The following GRID1 variants were observed in gnomAD, a reference collection of about 807,000 sequenced individuals.
The protein encoded by GRID1 is glutamate ionotropic receptor delta type subunit 1.
GRID1 carries 28 observed loss-of-function variants against 98.0 expected under a neutral mutation model. The observed-to-expected ratio is 0.29, with a 90% CI of 0.21 to 0.39. GRID1 has a LOEUF of 0.39. GRID1 is among the 10% of genes least tolerant of loss of function. The probability of loss-of-function intolerance (pLI) is 1.00; values close to 1 mark genes in which losing one functional copy is unlikely to be tolerated. For missense variants in GRID1, 1,111 were observed against 1,340.5 expected (o/e 0.83, Z 2.67); for synonymous variants, 553 against 538.5 (o/e 1.03, Z -0.37).
intron 4 of GRID1, among the ~76,000 whole-genome samples, chr10:85,950,690 T>C (rs1842108812): frequency 6.6e-6 from 1 of 152,162 alleles, no homozygotes; most frequent in Admixed American, 6.5e-5. Flanking sequence ...GCAAACATTA[T>C]GCCCCGTACA....
chr10:86,092,497 C>T (rs1242762420), intron 4 of GRID1, among the ~76,000 whole-genome samples: 5 of 152,034 alleles, frequency 3.3e-5, no homozygotes, highest in Admixed American at 3.3e-4. Flanking sequence ...ATGACCAAAC[C>T]TTTATGTGCA....
At chr10:86,042,079 C>T (rs1564657541) in intron 4 of GRID1, among the ~76,000 whole-genome samples, 1 of 152,212 alleles carries the variant, frequency 6.6e-6, no homozygotes, top group South Asian at 2.1e-4. Flanking sequence ...CCACCAGCTC[C>T]TCAGACAGCC....
At chr10:86,290,577 C>T (rs1847497752) in intron 2 of GRID1, among the ~76,000 whole-genome samples, 1 of 152,066 alleles carries the variant, frequency 6.6e-6, no homozygotes, top group Admixed American at 6.6e-5. Context: ...TGCTTAAACC[C>T]AGGAGGCAGA....
At chr10:86,262,603 G>A (rs1847033116) in intron 2 of GRID1, among the ~76,000 whole-genome samples, 2 of 152,156 alleles carry the variant, frequency 1.3e-5, no homozygotes, top group African/African-American at 4.8e-5. Context: ...TACGTGCTCT[G>A]GACCACAGCC....
intron 8 of GRID1, among the ~76,000 whole-genome samples, chr10:85,806,475 G>C (rs924725078): frequency 3.9e-5 from 6 of 152,016 alleles, no homozygotes; most frequent in African/African-American, 1.4e-4. Context: ...ACAAATTAAA[G>C]CATACGTCCC....
At chr10:85,618,505 C>G (rs1216049791) in intron 14 of GRID1, among the ~76,000 whole-genome samples, 2 of 152,178 alleles carry the variant, frequency 1.3e-5, no homozygotes, top group Non-Finnish European at 2.9e-5. Context: ...TCCTCCTTCC[C>G]TCTTGTCATC....
chr10:85,987,062 G>A (rs962484761), intron 4 of GRID1, among the ~76,000 whole-genome samples: 13 of 152,064 alleles, frequency 8.5e-5, no homozygotes, highest in Non-Finnish European at 1.9e-4. Context: ...GGACCAGACT[G>A]AAGGCTGAAG....
intron 8 of GRID1, among the ~76,000 whole-genome samples, chr10:85,754,870 A>T (rs2132690694): frequency 6.6e-6 from 1 of 152,314 alleles, no homozygotes. Flanking sequence ...ACCTACCTTA[A>T]AAAGTTATTT....
At chr10:86,181,945 C>T (rs1293550962) in intron 3 of GRID1, among the ~76,000 whole-genome samples, 2 of 152,206 alleles carry the variant, frequency 1.3e-5, no homozygotes, top group Non-Finnish European at 2.9e-5. Context: ...ACAATAAATA[C>T]TCATTGGACG....
At chr10:85,963,122 T>C (rs549727467) in intron 4 of GRID1, among the ~76,000 whole-genome samples, 42 of 152,178 alleles carry the variant, frequency 2.8e-4, no homozygotes, top group Non-Finnish European at 5.1e-4. Context: ...AACTATATCA[T>C]GGATTCCAGA....
chr10:86,206,235 C>T lies in GRID1; in HGVS notation c.520+129G>A. The T allele has an allele frequency of 2.6e-6, 2 of 754,776 alleles. No homozygotes were observed. The highest frequency in any genetic ancestry group is 4.2e-6 in the Non-Finnish European group (2 of 478,154). The allele number at this position is 754,776 out of a possible 1,614,324, so 46.8% of individuals were successfully genotyped here. ...GACTCATGAAGCTCGAGGTTTGACCCTATCACCTGGAGGCCCACTCAGCAC... is the reference window on the plus strand; with the variant it reads ...GACTCATGAAGCTCGAGGTTTGACCTTATCACCTGGAGGCCCACTCAGCAC... On this transcript the variant is annotated intron_variant, in intron 3 of 15. Transcript: ENST00000327946. This position sits in a 1 kb window ranked among gnomAD's most constrained non-coding sequence, Gnocchi z 4.1.
chr10:86,350,536 A>C (rs1848448933), intron 2 of GRID1, among the ~76,000 whole-genome samples: 1 of 151,542 alleles, frequency 6.6e-6, no homozygotes, highest in Non-Finnish European at 1.5e-5. Flanking sequence ...ACATTCCCTA[A>C]GCAATCCCTG....
chr10:85,981,452 C>T (rs1446499020), intron 4 of GRID1, among the ~76,000 whole-genome samples: 1 of 152,176 alleles, frequency 6.6e-6, no homozygotes. Flanking sequence ...GGCTACAATG[C>T]CTACTTGGCT....
intron 2 of GRID1, among the ~76,000 whole-genome samples, chr10:86,350,177 G>T (rs927672522): frequency 4.6e-5 from 7 of 152,248 alleles, no homozygotes; most frequent in African/African-American, 1.4e-4. Context: ...GTGAGGTCAA[G>T]AGAAGTGGCG....
At chr10:86,307,666 AAG>A (rs1390685404) in intron 2 of GRID1, among the ~76,000 whole-genome samples, 1 of 152,214 alleles carries the variant, frequency 6.6e-6, no homozygotes, top group Non-Finnish European at 1.5e-5. Flanking sequence ...CAAATTTACT[AAG>A]AGAGAATTTC....
At chr10:86,363,070 A>G (rs1000384052) in intron 2 of GRID1, among the ~76,000 whole-genome samples, 2 of 152,276 alleles carry the variant, frequency 1.3e-5, no homozygotes, top group African/African-American at 2.4e-5. Context: ...GGCCTTAACC[A>G]GGAATCTGGA....
At chr10:86,122,276 G>A (rs1303306368) in intron 4 of GRID1, among the ~76,000 whole-genome samples, 1 of 152,168 alleles carries the variant, frequency 6.6e-6, no homozygotes, top group African/African-American at 2.4e-5. Context: ...CTTTCTGCTG[G>A]CCCCAACTGT....
At chr10:86,354,687 T>A (rs1848510339) in intron 2 of GRID1, among the ~76,000 whole-genome samples, 1 of 152,156 alleles carries the variant, frequency 6.6e-6, no homozygotes, top group South Asian at 2.1e-4. Context: ...TTCCACCAAA[T>A]AGAGCAAGGT....
At chr10:86,262,577 C>G (rs973200053) in intron 2 of GRID1, among the ~76,000 whole-genome samples, 2 of 152,178 alleles carry the variant, frequency 1.3e-5, no homozygotes, top group African/African-American at 2.4e-5. Flanking sequence ...GGCTCCACCC[C>G]CAAGCGTTCT....
Sources: gnomAD v4.1 joint callset for allele counts (sites outside exome capture counted in the v4.1 genomes callset) on GRCh38, gnomAD v4.1.1 for gene constraint, Gnocchi (gnomAD v3.1) non-coding constraint, MANE v1.5 for transcripts, NCBI Gene and HGNC (gene_info 2026-07-23, HGNC 2026-07-21) for gene names.